Variants in CANX observed in about 807,000 individuals in gnomAD.
CANX encodes the protein epididymis secretory sperm binding protein.
In CANX, 14 loss-of-function variants were observed where a neutral mutation model predicts 75.7. The ratio of observed to expected loss-of-function variants is 0.19; its 90% CI spans 0.12 to 0.29. The LOEUF is 0.29. Ranked by LOEUF, CANX falls within the 10% of genes least tolerant of loss-of-function variation. The pLI is 1.00. For missense variants in CANX, 567 were observed against 713.2 expected (o/e 0.79, Z 2.34); for synonymous variants, 227 against 236.9 (o/e 0.96, Z 0.38).
intron 1 of CANX, chr5:179,701,031 T>A (rs1776715744): frequency 6.6e-6 from 1 of 151,842 alleles, no homozygotes. Context: ...CCCGGCTAAT[T>A]TTGTTTTTGT....
In CANX at chr5:179,716,265, A is replaced by G; in HGVS notation, c.882A>G (p.Pro294=). ...ATTGGGATGAAAGACCAAAAATCCC[A>G]GATCCAGAAGCTGTCAAGCCAGATG... is the stretch of plus-strand genomic sequence containing the variant. ...PEDWDERPKI[P]DPEAVKPDDW... Residue 294 remains proline, a synonymous_variant, in exon 8 of 15, where the codon CCA becomes CCG. Coordinates refer to ENST00000247461, the MANE Select transcript of CANX (RefSeq NM_001746.4). 1.9e-6 allele frequency: 3 copies of G among 1,614,146 alleles called. No homozygotes were observed. Among genetic ancestry groups the G allele is most frequent in the South Asian group, 1.1e-5 (1 of 91,080 alleles).
chr5:179,680,706 A>C (rs1181964552), intron 1 of CANX, among the ~76,000 whole-genome samples: 2 of 152,070 alleles, frequency 1.3e-5, no homozygotes, highest in Non-Finnish European at 2.9e-5. Flanking sequence ...GTAAGTGCTG[A>C]TTCTATTATG....
rs1158976157 is a variant in CANX at position 179,729,692 on chromosome 5, G to C, written c.*1048G>C. The stretch of plus-strand genomic sequence containing the variant: ...TTTTAAGCAGACCCATACCTTTCCA[G>C]GGTCAAAGTACAGAATAGAATACAT... On this transcript the variant is annotated 3_prime_UTR_variant, in exon 15 of 15. Transcript: ENST00000247461. The C allele has an allele frequency of 6.6e-6, 1 of 152,586 alleles. No homozygotes were observed. The highest frequency in any genetic ancestry group is 1.5e-5 in the Non-Finnish European group (1 of 68,052). 9.5% of individuals were successfully genotyped at this position (152,586 alleles called of 1,614,324 possible).
intron 1 of CANX, among the ~76,000 whole-genome samples, chr5:179,688,464 C>T (rs753402053): frequency 2.7e-5 from 4 of 149,694 alleles, no homozygotes; most frequent in Non-Finnish European, 5.9e-5. Context: ...CCCGGGTTCA[C>T]GCCATTCTTC....
Position 179,723,666 on chromosome 5 carries a change from G to T in CANX, c.1405G>T (p.Val469Phe), listed in dbSNP as rs200863515. Residue 469 changes from valine (V) to phenylalanine (F), a missense_variant, in exon 12 of 15, where the codon GTT becomes TTT. Coordinates refer to ENST00000247461, the MANE Select transcript of CANX (RefSeq NM_001746.4). ...KAADGAAEPG[V>F]VGQMIEAAEE... The stretch of plus-strand genomic sequence containing the variant: ...GCCCTGTCTTGTTTTTCAGCCAGGC[G>T]TTGTGGGGCAGATGATCGAGGCAGC... 3 of 1,612,986 alleles carry T rather than the reference G, an allele frequency of 1.9e-6. No individual in the cohort carries two copies. The highest frequency in any genetic ancestry group is 2.5e-6 in the Non-Finnish European group (3 of 1,179,682).
At chr5:179,679,199 C>T (rs1362593697) in intron 1 of CANX, 3 of 1,534,822 alleles carry the variant, frequency 2.0e-6, no homozygotes, top group Non-Finnish European at 2.6e-6. Context: ...GCGCTGGCGA[C>T]TCGTGCTGCG....
At chr5:179,678,780 A>G (rs779470825) in intron 1 of CANX, 1 of 1,537,046 alleles carries the variant, frequency 6.5e-7, no homozygotes, top group South Asian at 1.2e-5. Context: ...AGCTTCAGGT[A>G]GTTGTTCTCC....
At chr5:179,685,183 C>T (rs1776169223) in intron 1 of CANX, among the ~76,000 whole-genome samples, 1 of 151,390 alleles carries the variant, frequency 6.6e-6, no homozygotes, top group Non-Finnish European at 1.5e-5. Context: ...ACTGCAACCT[C>T]CGCCTCCTGG....
Position 179,722,797 on chromosome 5 carries a change from T to C in CANX, c.1183-7T>C. 1.3e-6 allele frequency: 2 copies of C among 1,587,058 alleles called. No individual in the cohort carries two copies. The highest frequency in any genetic ancestry group is 1.7e-6 in the Non-Finnish European group (2 of 1,159,294). ...GAAATGATTTTCTGAAACATTTTTT[T>C]TTCTAGGGAATCTGGAAACCCAGGA... is the stretch of plus-strand genomic sequence containing the variant. On this transcript the variant is annotated splice_region_variant and splice_polypyrimidine_tract_variant and intron_variant, in intron 10 of 14. Transcript: ENST00000247461.
chr5:179,686,863 C>T (rs115039315), intron 1 of CANX, among the ~76,000 whole-genome samples: 2,051 of 152,286 alleles, frequency 0.013, 35 homozygotes, highest in African/African-American at 0.044. Context: ...CTGCAACTTC[C>T]GGCTCCAGGG....
At position 179,684,246 on chromosome 5, in the gene CANX, A is replaced by G. The variant is rs568824614; in HGVS notation, c.-4+5469A>G. On this transcript the variant is annotated intron_variant, in intron 1 of 14. Coordinates refer to the CANX transcript ENST00000681674. ...TCATTTTTAAAAAATTCGCTTAATTAAAGGTGGTGGTGGCGTTTTTGAGAC... is the reference window on the plus strand; with the variant it reads ...TCATTTTTAAAAAATTCGCTTAATTGAAGGTGGTGGTGGCGTTTTTGAGAC... Among the ~76,000 whole-genome samples, 3 of 152,180 alleles carry G rather than the reference A, an allele frequency of 2.0e-5. No individual in the cohort carries two copies. In the South Asian group the frequency reaches 6.2e-4, roughly 32 times the overall value.
At chr5:179,728,540 T>C (rs1354401815) in intron 14 of CANX, 51 bp from the exon 15 acceptor site, 9 of 1,120,956 alleles carry the variant, frequency 8.0e-6, no homozygotes, top group Admixed American at 7.2e-5. Flanking sequence ...TGGTGAACTT[T>C]TATTATTTTT....
intron 3 of CANX, 36 bp downstream of exon 3, chr5:179,706,367 G>A (rs747853536): frequency 9.1e-7 from 1 of 1,095,574 alleles, no homozygotes; most frequent in South Asian, 1.3e-5. Flanking sequence ...GTTAGAGGCA[G>A]ACATGTAAAT....
rs763601463 is a variant in CANX at position 179,708,248 on chromosome 5, A to C, written c.314A>C (p.Glu105Ala). 1.2e-6 allele frequency: 2 copies of C among 1,613,130 alleles called. No homozygotes were observed. Among genetic ancestry groups the C allele is most frequent in the African/African-American group, 2.7e-5 (2 of 74,806 alleles). The change falls in exon 5 of 15, where the codon GAG becomes GCG. Residue 105 changes from glutamate (E) to alanine (A), a missense_variant. By Grantham distance (107) the Glu-to-Ala change is moderately radical (BLOSUM62 -1). This residue lies in a region of CANX where 351 missense variants were observed against 433.8 expected (regional missense o/e 0.81). Transcript: ENST00000247461. ...TTGTGTTGTCTTGTAGGAAAGTGGGAGGTAGAGGAAATGAAGGAGTCAAAG... is the reference window on the plus strand; with the variant it reads ...TTGTGTTGTCTTGTAGGAAAGTGGGCGGTAGAGGAAATGAAGGAGTCAAAG... Reference protein sequence around the residue: ...DEIAKYDGKWEVEEMKESKLP... With the variant: ...DEIAKYDGKWAVEEMKESKLP...
chr5:179,710,089 G>C (rs760172037), intron 7 of CANX, 24 bp downstream of exon 7: 1 of 1,371,556 alleles, frequency 7.3e-7, no homozygotes. Flanking sequence ...TTAGTTTGGG[G>C]GCTTATGGTA....
chr5:179,684,388 G>GCCT (rs1320235107), intron 1 of CANX, among the ~76,000 whole-genome samples: 1 of 147,108 alleles, frequency 6.8e-6, no homozygotes, highest in Non-Finnish European at 1.5e-5. Context: ...CAGCTAGTAA[G>GCCT]CCTTTTTTTT....
intron 1 of CANX, among the ~76,000 whole-genome samples, chr5:179,686,413 T>TA (rs1776192191): frequency 6.6e-6 from 1 of 151,370 alleles, no homozygotes; most frequent in South Asian, 2.1e-4. Flanking sequence ...TTTTTTTTTT[T>TA]AGTGGTTCAA....
At chr5:179,714,499 C>T (rs1244163284) in intron 7 of CANX, among the ~76,000 whole-genome samples, 2 of 151,820 alleles carry the variant, frequency 1.3e-5, no homozygotes, top group Non-Finnish European at 2.9e-5. Flanking sequence ...CTATATCTAA[C>T]TTTTTTATTT....
intron 1 of CANX, among the ~76,000 whole-genome samples, chr5:179,686,959 T>C (rs576079674): frequency 2.0e-5 from 3 of 152,156 alleles, no homozygotes; most frequent in Admixed American, 2.0e-4. Context: ...GTATTTTTAG[T>C]AGAGACAGGG....
Sources: gnomAD v4.1 joint callset for allele counts (sites outside exome capture counted in the v4.1 genomes callset) on GRCh38, gnomAD v4.1.1 for gene constraint, gnomAD v4.1.1 regional missense constraint, MANE v1.5 for transcripts, NCBI Gene and HGNC (gene_info 2026-07-23, HGNC 2026-07-21) for gene names.